PTPRT: variants seen among roughly 807,000 people sequenced by gnomAD.
The protein encoded by PTPRT is protein tyrosine phosphatase receptor type T, also known as receptor-type tyrosine-protein phosphatase T.
A neutral mutation model predicts 176.8 loss-of-function variants in PTPRT; 56 were observed. The ratio of observed to expected loss-of-function variants is 0.32; its 90% CI spans 0.26 to 0.40. PTPRT has a LOEUF of 0.40. Ranked by LOEUF, PTPRT falls within the 10% of genes least tolerant of loss-of-function variation. The probability of loss-of-function intolerance (pLI) is 1.00; values close to 1 mark genes in which losing one functional copy is unlikely to be tolerated. For missense variants in PTPRT, 1,540 were observed against 1,908.2 expected, an observed-to-expected ratio of 0.81 and a Z score of 3.60; for synonymous variants, 783 against 739.0, an observed-to-expected ratio of 1.06 and a Z score of -0.96.
intron 1 of PTPRT, among the ~76,000 whole-genome samples, chr20:43,152,319 G>A (rs931690780): frequency 6.6e-6 from 1 of 152,134 alleles, no homozygotes; most frequent in African/African-American, 2.4e-5. Flanking sequence ...TAGTATCTTT[G>A]TTTTCTCAAA....
At chr20:42,394,350 G>A (rs528306472) in intron 9 of PTPRT, among the ~76,000 whole-genome samples, 50 of 152,272 alleles carry the variant, frequency 3.3e-4, no homozygotes, top group African/African-American at 1.2e-3. Context: ...CTATGGGCAT[G>A]GGACCTCATT....
intron 1 of PTPRT, among the ~76,000 whole-genome samples, chr20:42,974,004 T>C (rs1265657534): frequency 6.6e-6 from 1 of 152,076 alleles, no homozygotes; most frequent in Admixed American, 6.5e-5. Flanking sequence ...TGAGAGTGTG[T>C]AGAATGAAAG....
chr20:42,925,895 G>T (rs1009172306), intron 1 of PTPRT, among the ~76,000 whole-genome samples: 1 of 152,172 alleles, frequency 6.6e-6, no homozygotes. Context: ...AGTACCTTCT[G>T]GTACTGCACA....
intron 9 of PTPRT, among the ~76,000 whole-genome samples, chr20:42,399,875 T>C (rs2058888731): frequency 6.6e-6 from 1 of 152,254 alleles, no homozygotes; most frequent in South Asian, 2.1e-4. Flanking sequence ...ATTGTGTCTT[T>C]CAAATATCTG....
chr20:42,911,307 C>T (rs1978364498), intron 1 of PTPRT, among the ~76,000 whole-genome samples: 1 of 152,086 alleles, frequency 6.6e-6, no homozygotes, highest in Admixed American at 6.6e-5. Flanking sequence ...ACATGTAGAA[C>T]CAAGAAAAAC....
At chr20:42,524,499 C>T (rs375367096) in intron 7 of PTPRT, among the ~76,000 whole-genome samples, 12 of 152,144 alleles carry the variant, frequency 7.9e-5, no homozygotes, top group African/African-American at 2.9e-4. Context: ...GAGAAACCTG[C>T]TTTGAGTTAG....
intron 13 of PTPRT, among the ~76,000 whole-genome samples, chr20:42,264,771 C>T (rs150983764): frequency 5.8e-4 from 88 of 152,372 alleles, no homozygotes; most frequent in African/African-American, 2.0e-3. Flanking sequence ...CAGCCATCCA[C>T]CTTATATCCT....
At chr20:42,881,483 G>T (rs937838580) in intron 2 of PTPRT, among the ~76,000 whole-genome samples, 1 of 152,096 alleles carries the variant, frequency 6.6e-6, no homozygotes, top group Non-Finnish European at 1.5e-5. Flanking sequence ...CCAGCACTTT[G>T]GGAGGCCGAG....
chr20:42,206,852 C>T (rs887345699), intron 15 of PTPRT, among the ~76,000 whole-genome samples: 39 of 152,364 alleles, frequency 2.6e-4, no homozygotes, highest in Middle Eastern at 6.8e-3. Flanking sequence ...CACAGACAAA[C>T]AAAAAGACAG....
Position 42,150,488 on chromosome 20 carries a change from T to G in PTPRT, c.2683-8486A>C, listed in dbSNP as rs80274318. ...GCCTGCCAGGATTTCTCCACACCCC[T>G]GTCCAACACTGTACTCTCCTGGTGC... On this transcript the variant is annotated intron_variant, in intron 17 of 30. Transcript: ENST00000373187. Among the ~76,000 whole-genome samples the G allele has an allele frequency of 8.4e-3, 1,277 of 152,286 alleles. 16 individuals are homozygous for G. Among genetic ancestry groups the G allele is most frequent in the African/African-American group, 0.029 (1,186 of 41,562 alleles).
intron 6 of PTPRT, among the ~76,000 whole-genome samples, chr20:42,719,292 G>C (rs1366727530): frequency 6.6e-6 from 1 of 152,174 alleles, no homozygotes; most frequent in East Asian, 1.9e-4. Flanking sequence ...CTCACAAAGA[G>C]AAATATGAAG....
chr20:43,082,598 C>A (rs2011471638), intron 1 of PTPRT, among the ~76,000 whole-genome samples: 1 of 152,096 alleles, frequency 6.6e-6, no homozygotes, highest in Admixed American at 6.6e-5. Context: ...ACTCCCTCCC[C>A]CTGTTTTTTC....
intron 1 of PTPRT, among the ~76,000 whole-genome samples, chr20:43,091,593 A>C (rs1033902456): frequency 6.6e-6 from 1 of 151,642 alleles, no homozygotes; most frequent in Non-Finnish European, 1.5e-5. Context: ...TGAAAAAGAG[A>C]TTTTTTCAGC....
In PTPRT at chr20:42,921,805, C is replaced by A. The variant is rs143205281; in HGVS notation, c.89-35873G>T. On this transcript the variant is annotated intron_variant, in intron 1 of 30. Transcript: ENST00000373187. Reference sequence around the variant, plus strand: ...TGAAACTGCCCTCCTCAAGACCACCCATGACCCTCATGTAGCTGAGTCCAG... The same window carrying A: ...TGAAACTGCCCTCCTCAAGACCACCAATGACCCTCATGTAGCTGAGTCCAG... 5.3e-3 allele frequency among the ~76,000 whole-genome samples: 805 copies of A among 152,322 alleles called. 9 individuals carry two copies. Among genetic ancestry groups the A allele is most frequent in the African/African-American group, 0.018 (760 of 41,574 alleles).
At chr20:42,639,882 G>T (rs544510981) in intron 7 of PTPRT, among the ~76,000 whole-genome samples, 2 of 151,940 alleles carry the variant, frequency 1.3e-5, no homozygotes, top group Admixed American at 6.6e-5. Flanking sequence ...GCCATGGTCC[G>T]TCAGCATTTC....
chr20:43,011,183 C>T (rs1409003621), intron 1 of PTPRT, among the ~76,000 whole-genome samples: 2 of 152,146 alleles, frequency 1.3e-5, no homozygotes, highest in Admixed American at 1.3e-4. Context: ...TTCCCACAAA[C>T]TCTACTAAGC....
At chr20:42,153,497 G>A (rs1050780504) in intron 17 of PTPRT, among the ~76,000 whole-genome samples, 3 of 152,236 alleles carry the variant, frequency 2.0e-5, no homozygotes, top group Admixed American at 6.5e-5. Flanking sequence ...TTGGTTGGGG[G>A]AGATCCTGTA....
At chr20:42,766,833 G>A (rs2076989463) in intron 5 of PTPRT, among the ~76,000 whole-genome samples, 1 of 152,198 alleles carries the variant, frequency 6.6e-6, no homozygotes, top group South Asian at 2.1e-4. Flanking sequence ...CAGTGACTTA[G>A]TGAAATTCCT....
At chr20:42,697,760 G>A (rs940580235) in intron 6 of PTPRT, among the ~76,000 whole-genome samples, 9 of 152,348 alleles carry the variant, frequency 5.9e-5, no homozygotes, top group Admixed American at 5.2e-4. Context: ...GAATTTGAAA[G>A]CATGCTCTGC....
Sources: gnomAD v4.1 joint callset for allele counts (sites outside exome capture counted in the v4.1 genomes callset) on GRCh38, gnomAD v4.1.1 for gene constraint, MANE v1.5 for transcripts, NCBI Gene and HGNC (gene_info 2026-07-23, HGNC 2026-07-21) for gene names.